Variants in SDSL observed in about 807,000 individuals in gnomAD.
SDSL encodes serine dehydratase like.
A neutral mutation model predicts 27.6 loss-of-function variants in SDSL; 26 were observed. That is an observed-to-expected ratio of 0.94 (90% CI 0.69 to 1.31). The LOEUF (loss-of-function observed/expected upper bound fraction) is 1.31. Ranked by LOEUF, SDSL falls within the 50% of genes most tolerant of loss-of-function variation. The pLI is 0.00. For missense variants in SDSL, 431 were observed against 423.5 expected, an observed-to-expected ratio of 1.02 and a Z score of -0.16; for synonymous variants, 196 against 180.6, an observed-to-expected ratio of 1.09 and a Z score of -0.69.
At chr12:113,428,816 T>A (rs998856592) in intron 3 of SDSL, among the ~76,000 whole-genome samples, 7 of 152,036 alleles carry the variant, frequency 4.6e-5, no homozygotes, top group African/African-American at 1.7e-4. Flanking sequence ...GGCCTCATGG[T>A]AGCAAGATGG....
Position 113,434,069 on chromosome 12 carries a change from C to T in SDSL, c.355-65C>T, listed in dbSNP as rs1957962290. On this transcript the variant is annotated intron_variant, in intron 4 of 7. Coordinates refer to ENST00000403593, the MANE Select transcript of SDSL (RefSeq NM_001304993.2). ...TGGGGCCACCAAGGAGATCCTGGGC[C>T]TCTGCTCCGGCCTCCATAGCAGTCC... 8.9e-6 allele frequency: 12 copies of T among 1,355,690 alleles called. No homozygotes were observed. The East Asian group carries it at 2.1e-4, about 24-fold the overall frequency. The allele number at this position is 1,355,690 out of a possible 1,614,324, so 84.0% of individuals were successfully genotyped here.
chr12:113,425,672 C>G, intron 1 of SDSL: 1 of 455,906 alleles, frequency 2.2e-6, no homozygotes, highest in Admixed American at 2.4e-5. Flanking sequence ...ACCCACTGGT[C>G]CATTCACACA....
intron 1 of SDSL, among the ~76,000 whole-genome samples, chr12:113,427,422 C>T (rs975737543): frequency 6.6e-6 from 1 of 152,232 alleles, no homozygotes; most frequent in African/African-American, 2.4e-5. Flanking sequence ...AGCTGAAGGT[C>T]TTTATACAGT....
chr12:113,437,981 C>G lies in SDSL; in HGVS notation c.892C>G (p.Pro298Ala). The change falls in exon 8 of 8, where the codon CCC becomes GCC. Residue 298 changes from proline to alanine, a missense_variant. Coordinates refer to ENST00000403593, the MANE Select transcript of SDSL (RefSeq NM_001304993.2). ...LRRLQAEGCL[P>A]PSLTSVVVIV... The stretch of plus-strand genomic sequence containing the variant: ...GAGGCTCCAGGCCGAGGGCTGCCTG[C>G]CCCCTTCCCTGACTTCAGTTGTGGT... 1 of 1,614,096 alleles carries G rather than the reference C, an allele frequency of 6.2e-7. No homozygotes were observed. Among genetic ancestry groups the G allele is most frequent in the Non-Finnish European group, 8.5e-7 (1 of 1,179,948 alleles).
chr12:113,425,505 A>G (rs1957835820), intron 1 of SDSL, among the ~76,000 whole-genome samples: 1 of 152,084 alleles, frequency 6.6e-6, no homozygotes, highest in Admixed American at 6.5e-5. Flanking sequence ...TGGGCAGGGG[A>G]AGTTGCAGCG....
At chr12:113,429,429 G>T in intron 4 of SDSL, 130 bp downstream of exon 4, 1 of 1,025,158 alleles carries the variant, frequency 9.8e-7, no homozygotes, top group Non-Finnish European at 1.4e-6. Flanking sequence ...TCTCAGGATA[G>T]CTGAGCTGAG....
At chr12:113,423,916 T>C (rs1351502379) in intron 1 of SDSL, among the ~76,000 whole-genome samples, 2 of 152,194 alleles carry the variant, frequency 1.3e-5, no homozygotes, top group East Asian at 1.9e-4. Context: ...GCAGGCTCAT[T>C]GAATCCTCAC....
At chr12:113,429,398 T>A in intron 4 of SDSL, 99 bp downstream of exon 4, 1 of 1,323,280 alleles carries the variant, frequency 7.6e-7, no homozygotes, top group East Asian at 2.4e-5. Flanking sequence ...TTCGATGAGC[T>A]GTGGCTGGGA....
rs1452552860 is a variant in SDSL, at chr12:113,430,140, A to AT, written c.354+841_354+842insT. ...TTTCCATCCATCCATCCATCCATCC[A>AT]CCCATCCATCCATCCATCAGATATT... is the stretch of plus-strand genomic sequence containing the variant. On this transcript the variant is annotated intron_variant, in intron 4 of 7. Coordinates refer to ENST00000403593, the MANE Select transcript of SDSL (RefSeq NM_001304993.2). Among the ~76,000 whole-genome samples the AT allele has an allele frequency of 3.9e-3, 495 of 125,468 alleles. 7 individuals carry two copies. The highest frequency in any genetic ancestry group is 0.018 in the African/African-American group (465 of 25,298). The allele number at this position is 125,468 out of a possible 152,430, so 82.3% of individuals were successfully genotyped here.
In SDSL at chr12:113,438,168, G is replaced by GCTTCCAC; in HGVS notation, c.*89_*90insCTTCCAC. On this transcript the variant is annotated 3_prime_UTR_variant, in exon 8 of 8. Transcript: ENST00000403593. Reference sequence around the variant, plus strand: ...GAGGACTCAGTGCTGGCAGATGGCAGTGGAAGCTGCCCTGTGCAACTGTGC... The same window carrying GCTTCCAC: ...GAGGACTCAGTGCTGGCAGATGGCAGCTTCCACTGGAAGCTGCCCTGTGCAACTGTGC... 8.4e-7 allele frequency: 1 copy of GCTTCCAC among 1,187,404 alleles called. No homozygotes were observed. Among genetic ancestry groups the GCTTCCAC allele is most frequent in the Non-Finnish European group, 1.2e-6 (1 of 841,320 alleles). 73.6% of individuals were successfully genotyped at this position (1,187,404 alleles called of 1,614,324 possible). A position where few individuals can be genotyped will look rare whatever the true frequency, so the allele number is the denominator to read the frequency against.
chr12:113,438,119 T>C lies in SDSL; in HGVS notation c.*40T>C, dbSNP rs1405718064. On this transcript the variant is annotated 3_prime_UTR_variant, in exon 8 of 8. Transcript: ENST00000403593. ...GCCCCAAAGACCCCTGAGAGGCCCA[T>C]GGACAGTCCTGTGTCTGGATGAGGA... is the stretch of plus-strand genomic sequence containing the variant. 1.3e-6 allele frequency: 2 copies of C among 1,531,052 alleles called. No individual in the cohort carries two copies. The highest frequency in any genetic ancestry group is 1.2e-5 in the South Asian group (1 of 85,498). 94.8% of individuals were successfully genotyped at this position (1,531,052 alleles called of 1,614,324 possible).
intron 2 of SDSL, 127 bp from the exon 3 acceptor site, chr12:113,428,293 G>T: frequency 7.6e-7 from 1 of 1,308,446 alleles, no homozygotes. Context: ...GGTAAGGGCA[G>T]GGCTGTGGGC....
intron 1 of SDSL, among the ~76,000 whole-genome samples, chr12:113,423,489 T>C (rs868569378): frequency 1.3e-5 from 2 of 152,142 alleles, no homozygotes; most frequent in Non-Finnish European, 1.5e-5. Context: ...ACACCTGTTA[T>C]CCTAGTGTTT....
Position 113,436,857 on chromosome 12 carries a change from G to C in SDSL, c.778G>C (p.Ala260Pro), listed in dbSNP as rs543161562. ...GGTGGAGGACACCGAGGCTGTGAGC[G>C]CTGTGCAGCAGCTCCTGGGTGAGTG... ...EVVEDTEAVSAVQQLLDDERM... is the reference protein window; with the variant it reads ...EVVEDTEAVSPVQQLLDDERM... Residue 260 changes from alanine to proline, a missense_variant, in exon 7 of 8, where the codon GCT becomes CCT. Coordinates refer to ENST00000403593, the MANE Select transcript of SDSL (RefSeq NM_001304993.2). 1.2e-6 allele frequency: 2 copies of C among 1,608,142 alleles called. No individual in the cohort carries two copies. The highest frequency in any genetic ancestry group is 2.7e-5 in the African/African-American group (2 of 74,922).
At chr12:113,432,265 TTTC>T (rs1555210072) in intron 4 of SDSL, among the ~76,000 whole-genome samples, 7 of 137,274 alleles carry the variant, frequency 5.1e-5, no homozygotes, top group Non-Finnish European at 6.3e-5. Flanking sequence ...TCTTTCTTTC[TTTC>T]TTTCTTTCTT....
In SDSL at chr12:113,436,837, A is replaced by G; in HGVS notation, c.758A>G (p.Glu253Gly). ...QVCKIHSEVVEDTEAVSAVQQ... is the reference protein window; with the variant it reads ...QVCKIHSEVVGDTEAVSAVQQ... ...TGCAAGATTCACTCTGAAGTGGTGG[A>G]GGACACCGAGGCTGTGAGCGCTGTG... The change falls in exon 7 of 8, where the codon GAG (glutamate) becomes GGG (glycine). Residue 253 changes from glutamate to glycine, a missense_variant. Coordinates refer to ENST00000403593, the MANE Select transcript of SDSL (RefSeq NM_001304993.2). 6.2e-7 allele frequency: 1 copy of G among 1,611,588 alleles called. No individual in the cohort carries two copies. Among genetic ancestry groups the G allele is most frequent in the Non-Finnish European group, 8.5e-7 (1 of 1,179,468 alleles).
chr12:113,433,631 C>A (rs1264328488), intron 4 of SDSL, among the ~76,000 whole-genome samples: 2 of 152,216 alleles, frequency 1.3e-5, no homozygotes, highest in Admixed American at 1.3e-4. Flanking sequence ...AGAAAACTCA[C>A]CCCTGCTGTG....
chr12:113,429,257 G>A lies in SDSL; in HGVS notation c.312G>A (p.Gln104=). The A allele has an allele frequency of 1.9e-6, 3 of 1,613,552 alleles. No individual in the cohort carries two copies. Among genetic ancestry groups the A allele is most frequent in the Non-Finnish European group, 2.5e-6 (3 of 1,179,540 alleles). ...LPESTSLQVV[Q]RLQGEGAEVQ... Reference sequence around the variant, plus strand: ...AGAGCACCTCCCTGCAGGTGGTGCAGAGGCTGCAGGGGGAGGGGGCCGAGG... The same window carrying A: ...AGAGCACCTCCCTGCAGGTGGTGCAAAGGCTGCAGGGGGAGGGGGCCGAGG... Residue 104 remains glutamine, a synonymous_variant, in exon 4 of 8, where the codon CAG becomes CAA. Transcript: ENST00000403593.
At chr12:113,424,894 C>T (rs1455351983) in intron 1 of SDSL, among the ~76,000 whole-genome samples, 1 of 152,090 alleles carries the variant, frequency 6.6e-6, no homozygotes, top group Non-Finnish European at 1.5e-5. Context: ...CACCACCACA[C>T]CCGGCTAATT....
Sources: gnomAD v4.1 joint callset for allele counts (sites outside exome capture counted in the v4.1 genomes callset) on GRCh38, gnomAD v4.1.1 for gene constraint, MANE v1.5 for transcripts, NCBI Gene and HGNC (gene_info 2026-07-23, HGNC 2026-07-21) for gene names.